MICAL1: variants seen among roughly 807,000 people sequenced by gnomAD.
MICAL1 encodes microtubule associated monooxygenase, calponin and LIM domain containing 1.
In MICAL1, 95 loss-of-function variants were observed where a neutral mutation model predicts 131.8. The ratio of observed to expected loss-of-function variants is 0.72; its 90% confidence interval spans 0.61 to 0.86. The LOEUF (loss-of-function observed/expected upper bound fraction) is 0.86, where lower values mean the gene tolerates loss of function less well. Ranked by LOEUF, MICAL1 falls within the 40% of genes least tolerant of loss-of-function variation. MICAL1 has a pLI of 0.00. For synonymous variants in MICAL1, 546 were observed against 554.2 expected, an observed-to-expected ratio of 0.99 and a Z score of 0.21; for missense variants, 1,292 against 1,380.6, an observed-to-expected ratio of 0.94 and a Z score of 1.02.
At chr6:109,464,742 G>A (rs1348405223) in intron 1 of MICAL1, 1 of 152,138 alleles carries the variant, frequency 6.6e-6, no homozygotes, top group Non-Finnish European at 1.5e-5. Flanking sequence ...GGAATTCGAG[G>A]TTACAGTGAG....
upstream of MICAL1, chr6:109,455,867 A>G (rs908374145): frequency 1.8e-5 from 18 of 985,410 alleles, no homozygotes; most frequent in African/African-American, 7.0e-5. This position sits in a 1 kb window ranked among gnomAD's most constrained non-coding sequence, Gnocchi z 4.7. Flanking sequence ...GTGCGCCTGG[A>G]GTCGCGCGGA....
chr6:109,465,360 T>C (rs958705124), intron 1 of MICAL1: 8 of 409,008 alleles, frequency 2.0e-5, no homozygotes, highest in African/African-American at 1.4e-4. Context: ...TCCCCATACA[T>C]TGTGATCTGT....
Position 109,446,325 on chromosome 6 carries a change from G to T in MICAL1, c.2392C>A (p.Pro798Thr), listed in dbSNP as rs1775214617. 2.5e-6 allele frequency: 4 copies of T among 1,612,890 alleles called. No individual in the cohort carries two copies. Among genetic ancestry groups the T allele is most frequent in the African/African-American group, 1.3e-5 (1 of 74,374 alleles). Residue 798 changes from proline (P) to threonine (T), a missense_variant, in exon 19 of 25, where the codon CCC becomes ACC. Coordinates refer to ENST00000358807, the MANE Select transcript of MICAL1 (RefSeq NM_022765.4). ...SQEGAGPVPD[P>T]SQPTRRQIRL... is the part of the protein sequence containing the mutation. ...ATCTGCCGACGGGTGGGCTGGCTGG[G>T]ATCTGGAACAGGACCGGCCCCCTCC...
upstream of MICAL1, among the ~76,000 whole-genome samples, chr6:109,457,915 T>TG (rs1340705979): frequency 2.0e-5 from 3 of 152,262 alleles, no homozygotes; most frequent in Non-Finnish European, 4.4e-5. Flanking sequence ...CCAGAAGGTC[T>TG]GGTTGGATTC....
intron 1 of MICAL1, among the ~76,000 whole-genome samples, chr6:109,461,227 T>G (rs1015771886): frequency 2.0e-5 from 3 of 152,112 alleles, no homozygotes; most frequent in African/African-American, 7.2e-5. Flanking sequence ...GTTCCTGTGT[T>G]AGTTTGCTGA....
intron 1 of MICAL1, chr6:109,465,545 C>T: frequency 9.0e-7 from 1 of 1,117,276 alleles, no homozygotes; most frequent in East Asian, 2.6e-5. Flanking sequence ...AACATTTAAA[C>T]CTTACAGAAA....
Position 109,447,980 on chromosome 6 carries a change from G to A in MICAL1, c.1856-17C>T. 1.3e-6 allele frequency: 2 copies of A among 1,593,368 alleles called. No individual in the cohort carries two copies. Among genetic ancestry groups the A allele is most frequent in the Non-Finnish European group, 1.7e-6 (2 of 1,169,748 alleles). Reference sequence around the variant, plus strand: ...TGACAGGGCCTGCGGGGAGAGCCAGGGCATCAGTGTGGATGGGGGGTGCCA... The same window carrying A: ...TGACAGGGCCTGCGGGGAGAGCCAGAGCATCAGTGTGGATGGGGGGTGCCA... On this transcript the variant is annotated splice_polypyrimidine_tract_variant and intron_variant, in intron 13 of 24. Coordinates refer to ENST00000358807, the MANE Select transcript of MICAL1 (RefSeq NM_022765.4).
At chr6:109,447,551 G>A (rs1054788108) in intron 15 of MICAL1, 111 bp from the exon 16 acceptor site, 9 of 1,526,484 alleles carry the variant, frequency 5.9e-6, no homozygotes, top group East Asian at 2.3e-5. Flanking sequence ...GACTAGGCAG[G>A]GAGGCTGGAT....
chr6:109,446,778 A>G lies in MICAL1; in HGVS notation c.2228-6T>C. On this transcript the variant is annotated splice_region_variant and splice_polypyrimidine_tract_variant and intron_variant, in intron 17 of 24. Coordinates refer to ENST00000358807, the MANE Select transcript of MICAL1 (RefSeq NM_022765.4). ...CTGGAGGCAGTAGAAATGTCCTGGA[A>G]AGGGTAGAGAGGGGAGGAGGCATTT... The G allele has an allele frequency of 4.3e-6, 7 of 1,612,876 alleles. 1 individual carries two copies. The South Asian group carries it at 7.7e-5, about 18-fold the overall frequency.
Position 109,449,641 on chromosome 6 carries a change from G to T in MICAL1, c.1434+16C>A, listed in dbSNP as rs768722875. On this transcript the variant is annotated intron_variant, in intron 10 of 24. Coordinates refer to ENST00000358807, the MANE Select transcript of MICAL1 (RefSeq NM_022765.4). ...GGTTGGCTTGGGAAGGCTGGTGGGT[G>T]TGTCGGGGGTCTGACCTGATTGGGG... 3 of 1,583,508 alleles carry T rather than the reference G, an allele frequency of 1.9e-6. No individual in the cohort carries two copies. In the South Asian group the frequency reaches 3.5e-5, roughly 19 times the overall value.
In MICAL1 at chr6:109,465,784, C is replaced by T. The variant is rs1030125788; in HGVS notation, c.-107G>A. On this transcript the variant is annotated 5_prime_UTR_variant, in exon 1 of 25. Transcript: ENST00000630715. The stretch of plus-strand genomic sequence containing the variant: ...ATGGTGTGGAGAGCCTGATTTCAAG[C>T]GTTCAAAATCCAGTCAGAGCTGGCT... 12 of 1,613,804 alleles carry T rather than the reference C, an allele frequency of 7.4e-6. No homozygotes were observed. In the Admixed American group the frequency reaches 8.3e-5, roughly 11 times the overall value.
At chr6:109,456,038 C>T (rs1775736147), upstream of MICAL1, 3 of 986,012 alleles carry the variant, frequency 3.0e-6, no homozygotes, top group Non-Finnish European at 3.6e-6. Flanking sequence ...TGCGGACACC[C>T]CGTTCCGCTC....
At chr6:109,453,599 A>G (rs1455479025) in intron 3 of MICAL1, 39 bp downstream of exon 3, 1 of 1,553,762 alleles carries the variant, frequency 6.4e-7, no homozygotes, top group African/African-American at 1.4e-5. Context: ...CTCTAGGCCC[A>G]AGCTCACCCG....
chr6:109,453,622 A>G lies in MICAL1; in HGVS notation c.466+16T>C. On this transcript the variant is annotated intron_variant, in intron 3 of 24. Transcript: ENST00000358807. ...CCAAGCTCACCCGCCCCTCCAGGCCACCACGTGGTGCTCACTGATGTGGTC... is the reference window on the plus strand; with the variant it reads ...CCAAGCTCACCCGCCCCTCCAGGCCGCCACGTGGTGCTCACTGATGTGGTC... The G allele has an allele frequency of 3.2e-6, 5 of 1,578,458 alleles. No individual in the cohort carries two copies. The highest frequency in any genetic ancestry group is 4.3e-6 in the Non-Finnish European group (5 of 1,162,034).
At chr6:109,447,330 T>C (rs766093644) in intron 16 of MICAL1, 27 bp downstream of exon 16, 2 of 1,613,606 alleles carry the variant, frequency 1.2e-6, no homozygotes, top group South Asian at 1.1e-5. Context: ...CCCGGGCCTC[T>C]GCCTGCACAC....
At position 109,446,354 on chromosome 6, in the gene MICAL1, G is replaced by C. The variant is rs183276533; in HGVS notation, c.2363C>G (p.Ser788Trp). 3 of 1,613,322 alleles carry C rather than the reference G, an allele frequency of 1.9e-6. No homozygotes were observed. The African/African-American group carries it at 4.0e-5, about 22-fold the overall frequency. Reference sequence around the variant, plus strand: ...TGGAACAGGACCGGCCCCCTCCTGCGAGGCTGTGGGAGTTGAGAGGCCTGG... The same window carrying C: ...TGGAACAGGACCGGCCCCCTCCTGCCAGGCTGTGGGAGTTGAGAGGCCTGG... The part of the protein sequence containing the change: ...MPPGLSTPTA[S>W]QEGAGPVPDP... Residue 788 changes from serine to tryptophan, a missense_variant, in exon 19 of 25, where the codon TCG (serine) becomes TGG (tryptophan). Physicochemically the swap from Ser to Trp is radical, Grantham distance 177. Coordinates refer to ENST00000358807, the MANE Select transcript of MICAL1 (RefSeq NM_022765.4).
intron 13 of MICAL1, 31 bp from the exon 14 acceptor site, chr6:109,447,994 T>TG (rs780556626): frequency 7.0e-6 from 11 of 1,575,248 alleles, no homozygotes; most frequent in South Asian, 2.3e-5. Context: ...TCAGTGTGGA[T>TG]GGGGGGTGCC....
In MICAL1 at chr6:109,453,278, G is replaced by A; in HGVS notation, c.556C>T (p.Pro186Ser). 6.2e-7 allele frequency: 1 copy of A among 1,613,772 alleles called. No homozygotes were observed. Among genetic ancestry groups the A allele is most frequent in the Non-Finnish European group, 8.5e-7 (1 of 1,179,746 alleles). The change falls in exon 4 of 25, where the codon CCC (proline) becomes TCC (serine). Residue 186 changes from proline to serine, a missense_variant. Pro to Ser is a moderately conservative substitution (Grantham distance 74). Coordinates refer to ENST00000358807, the MANE Select transcript of MICAL1 (RefSeq NM_022765.4). ...HWGVTFTGLQ[P>S]PPRKGSGWRA... ...AAATACTTACCCTTCCTAGGAGGGG[G>A]CTGGAGGCCAGTGAAAGTGACACCC...
chr6:109,446,931 G>A (rs1222971464), intron 17 of MICAL1, 142 bp downstream of exon 17: 31 of 1,246,792 alleles, frequency 2.5e-5, no homozygotes, highest in Non-Finnish European at 3.5e-5. Context: ...AGCTTTGCAG[G>A]GGACAGAGAA....
Sources: allele counts gnomAD v4.1 joint callset (sites outside exome capture counted in the v4.1 genomes callset), GRCh38; gene constraint gnomAD v4.1.1; non-coding constraint Gnocchi (gnomAD v3.1); transcripts MANE v1.5; gene names NCBI Gene and HGNC (gene_info 2026-07-23, HGNC 2026-07-21).